NAV2: variants seen among roughly 807,000 people sequenced by gnomAD.
NAV2 encodes neuron navigator 2, also known as helicase, APC down-regulated 1.
NAV2 carries 54 observed loss-of-function variants against 223.2 expected under a neutral mutation model. The ratio of observed to expected loss-of-function variants is 0.24; its 90% CI spans 0.19 to 0.30. NAV2 has a LOEUF of 0.30. Ranked by LOEUF, NAV2 falls within the 10% of genes least tolerant of loss-of-function variation. NAV2 has a pLI of 1.00. For missense variants in NAV2, 2,806 were observed against 3,147.5 expected (o/e 0.89, Z 2.60); for synonymous variants, 1,279 against 1,239.3 (o/e 1.03, Z -0.67).
chr11:19,919,301 T>C (rs372305276), intron 6 of NAV2, among the ~76,000 whole-genome samples: 1 of 151,160 alleles, frequency 6.6e-6, no homozygotes, highest in African/African-American at 2.4e-5. Context: ...CTCGTAGCCA[T>C]GCACGTGGGT....
intron 1 of NAV2, among the ~76,000 whole-genome samples, chr11:19,386,765 C>T (rs1260221651): frequency 2.0e-5 from 3 of 152,064 alleles, no homozygotes; most frequent in Non-Finnish European, 4.4e-5. Context: ...ATCTCTGTGA[C>T]TCGAAAAGGC....
chr11:19,714,559 C>A, intron 1 of NAV2: 1 of 436,902 alleles, frequency 2.3e-6, no homozygotes, highest in South Asian at 1.6e-5. Flanking sequence ...AGTGCACCAG[C>A]TGAGGCCGGC....
intron 1 of NAV2, among the ~76,000 whole-genome samples, chr11:19,481,351 A>C (rs2042274244): frequency 6.6e-6 from 1 of 152,292 alleles, no homozygotes; most frequent in South Asian, 2.1e-4. Flanking sequence ...AAGAGCTTTC[A>C]GTCACTCAGT....
At chr11:19,923,440 C>T (rs964607750) in intron 6 of NAV2, among the ~76,000 whole-genome samples, 2 of 152,036 alleles carry the variant, frequency 1.3e-5, no homozygotes, top group African/African-American at 4.8e-5. Context: ...CCAAACTTAC[C>T]TGACCATAGA....
chr11:20,011,476 C>T (rs942715370), intron 11 of NAV2, among the ~76,000 whole-genome samples: 2 of 152,134 alleles, frequency 1.3e-5, no homozygotes, highest in African/African-American at 2.4e-5. Context: ...TGCAATGAGT[C>T]ACACACTAGT....
Position 19,993,819 on chromosome 11 carries a change from A to T in NAV2, c.2768+9572A>T, listed in dbSNP as rs565234031. ...AGTCAGTTGTATTTCAACAAAGTAT[A>T]TGGACCATGTTTTCATATGTAATGG... is the stretch of plus-strand genomic sequence containing the variant. On this transcript the variant is annotated intron_variant, in intron 11 of 37. Coordinates refer to ENST00000349880, the MANE Select transcript of NAV2 (RefSeq NM_145117.5). Among the ~76,000 whole-genome samples, 170 of 152,334 alleles carry T rather than the reference A, an allele frequency of 1.1e-3. 1 individual carries two copies. Among genetic ancestry groups the T allele is most frequent in the African/African-American group, 3.9e-3 (162 of 41,580 alleles).
intron 11 of NAV2, chr11:20,023,264 A>T: frequency 6.3e-6 from 1 of 159,296 alleles, no homozygotes; most frequent in Non-Finnish European, 1.2e-5. Flanking sequence ...ACTGTGAGCT[A>T]TGTGGTGGTG....
intron 6 of NAV2, among the ~76,000 whole-genome samples, chr11:19,911,510 A>G (rs1446675826): frequency 6.6e-6 from 1 of 152,210 alleles, no homozygotes; most frequent in Non-Finnish European, 1.5e-5. Context: ...CTAGACTCCA[A>G]GTTTTGTGAG....
chr11:19,590,590 C>A (rs560701879), intron 1 of NAV2, among the ~76,000 whole-genome samples: 4 of 152,282 alleles, frequency 2.6e-5, no homozygotes, highest in African/African-American at 9.6e-5. Flanking sequence ...GAAAAGCTGT[C>A]TTTTACAGCT....
At chr11:19,481,480 G>A (rs1460172247) in intron 1 of NAV2, among the ~76,000 whole-genome samples, 3 of 152,188 alleles carry the variant, frequency 2.0e-5, no homozygotes, top group Non-Finnish European at 4.4e-5. Context: ...ACATGCTGAA[G>A]GCAGAAAGAC....
At chr11:19,666,312 A>G (rs915122315) in intron 1 of NAV2, among the ~76,000 whole-genome samples, 1 of 152,236 alleles carries the variant, frequency 6.6e-6, no homozygotes, top group Admixed American at 6.5e-5. Flanking sequence ...CCAGATGCAC[A>G]TTCAGCAATA....
At chr11:19,921,931 T>A (rs991980812) in intron 6 of NAV2, among the ~76,000 whole-genome samples, 1 of 151,050 alleles carries the variant, frequency 6.6e-6, no homozygotes, top group African/African-American at 2.4e-5. Flanking sequence ...TTGCTATATA[T>A]GTGTGTGTGT....
intron 25 of NAV2, chr11:20,082,614 A>G: frequency 6.2e-7 from 1 of 1,613,108 alleles, no homozygotes; most frequent in Non-Finnish European, 8.5e-7. Flanking sequence ...AGCAAGACCA[A>G]CTTTAATATC....
chr11:19,395,310 A>G (rs1849405538), intron 1 of NAV2, among the ~76,000 whole-genome samples: 1 of 152,246 alleles, frequency 6.6e-6, no homozygotes. Context: ...TACCTTGGAT[A>G]GCACTTGTTC....
At chr11:19,423,220 T>C (rs1850690298) in intron 1 of NAV2, among the ~76,000 whole-genome samples, 1 of 152,246 alleles carries the variant, frequency 6.6e-6, no homozygotes. Flanking sequence ...TTTTGTATCT[T>C]TAACCTTTAT....
chr11:19,635,705 C>T (rs547036513), intron 1 of NAV2, among the ~76,000 whole-genome samples: 13 of 152,284 alleles, frequency 8.5e-5, no homozygotes, highest in South Asian at 4.1e-4. Flanking sequence ...CCCATGAGAG[C>T]GAGAACTCAC....
chr11:20,019,867 G>A (rs1171651542), intron 11 of NAV2, among the ~76,000 whole-genome samples: 1 of 151,998 alleles, frequency 6.6e-6, no homozygotes, highest in Non-Finnish European at 1.5e-5. Context: ...ATGTTCTCAG[G>A]GAAAAGAGAA....
At chr11:19,951,498 G>T (rs1278463337) in intron 10 of NAV2, among the ~76,000 whole-genome samples, 1 of 152,080 alleles carries the variant, frequency 6.6e-6, no homozygotes, top group African/African-American at 2.4e-5. Flanking sequence ...ATCTAGCATG[G>T]ACTCAGATTT....
At chr11:19,688,177 T>C (rs1006052782) in intron 1 of NAV2, among the ~76,000 whole-genome samples, 9 of 152,194 alleles carry the variant, frequency 5.9e-5, no homozygotes, top group African/African-American at 2.2e-4. Flanking sequence ...AGAATCCCAA[T>C]TACAGCCTTG....
Sources: gnomAD v4.1 joint callset for allele counts (sites outside exome capture counted in the v4.1 genomes callset) on GRCh38, gnomAD v4.1.1 for gene constraint, MANE v1.5 for transcripts, NCBI Gene and HGNC (gene_info 2026-07-23, HGNC 2026-07-21) for gene names.